The following GPR158 variants were observed in gnomAD, a reference collection of about 807,000 sequenced individuals.
GPR158 encodes metabotropic glycine receptor.
Under a neutral mutation model 78.2 loss-of-function variants are expected in GPR158, and 30 were observed. The observed-to-expected ratio is 0.38, with a 90% CI of 0.29 to 0.52. The LOEUF is 0.52. Ranked by LOEUF, GPR158 falls within the 20% of genes least tolerant of loss-of-function variation. The pLI is 0.83. For missense variants in GPR158, 1,463 were observed against 1,523.5 expected, an observed-to-expected ratio of 0.96 and a Z score of 0.66; for synonymous variants, 581 against 591.1, an observed-to-expected ratio of 0.98 and a Z score of 0.25.
In GPR158 at chr10:25,344,006, C is replaced by T. The variant is rs539498316; in HGVS notation, c.1009-51905C>T. Among the ~76,000 whole-genome samples, 207 of 152,072 alleles carry T rather than the reference C, an allele frequency of 1.4e-3. 1 individual carries two copies. The highest frequency in any genetic ancestry group is 2.3e-3 in the Non-Finnish European group (155 of 67,916). ...TCAGATCTCCTACACTAACTGGAAG[C>T]CACTGGGTCACCTTTGCTTTCATTA... On this transcript the variant is annotated intron_variant, in intron 2 of 10. Coordinates refer to ENST00000376351, the MANE Select transcript of GPR158 (RefSeq NM_020752.3).
In GPR158 at chr10:25,264,972, G is replaced by A. The variant is rs563108360; in HGVS notation, c.1008+43815G>A. 2.0e-5 allele frequency among the ~76,000 whole-genome samples: 3 copies of A among 152,130 alleles called. No homozygotes were observed. The South Asian group carries it at 6.2e-4, about 32-fold the overall frequency. ...ACAGTTAACACATTTCCTTGCTTTG[G>A]GCTATGTATATATCACCCTCTCATT... On this transcript the variant is annotated intron_variant, in intron 2 of 10. Transcript: ENST00000376351.
intron 2 of GPR158, among the ~76,000 whole-genome samples, chr10:25,274,602 T>C (rs1854159018): frequency 6.6e-6 from 1 of 152,120 alleles, no homozygotes; most frequent in Non-Finnish European, 1.5e-5. Context: ...AGGTATATTC[T>C]TTTGAGGTCA....
chr10:25,213,867 T>C (rs1456897617), intron 1 of GPR158, among the ~76,000 whole-genome samples: 2 of 152,214 alleles, frequency 1.3e-5, no homozygotes, highest in African/African-American at 4.8e-5. Flanking sequence ...TTTCAAAGTT[T>C]GTTAGAGAGC....
intron 7 of GPR158, among the ~76,000 whole-genome samples, chr10:25,585,318 T>A (rs1340546656): frequency 6.6e-6 from 1 of 152,220 alleles, no homozygotes; most frequent in African/African-American, 2.4e-5. Context: ...CTTATCTACA[T>A]TGTCCCAGTA....
At chr10:25,307,556 T>A (rs563126332) in intron 2 of GPR158, among the ~76,000 whole-genome samples, 288 of 151,964 alleles carry the variant, frequency 1.9e-3, no homozygotes, top group Non-Finnish European at 2.2e-3. Flanking sequence ...GCTAATTTTT[T>A]AATTTTTTTT....
intron 2 of GPR158, among the ~76,000 whole-genome samples, chr10:25,222,448 C>T (rs2130684641): frequency 6.6e-6 from 1 of 152,038 alleles, no homozygotes; most frequent in African/African-American, 2.4e-5. Flanking sequence ...CACATCCACA[C>T]ACTTCCTCCC....
At chr10:25,312,485 A>G (rs1169827481) in intron 2 of GPR158, among the ~76,000 whole-genome samples, 2 of 152,072 alleles carry the variant, frequency 1.3e-5, no homozygotes, top group Admixed American at 6.6e-5. Context: ...CGTGAAGTAG[A>G]GTTCATTTTG....
chr10:25,181,546 A>T (rs1224635809), intron 1 of GPR158, among the ~76,000 whole-genome samples: 1 of 152,212 alleles, frequency 6.6e-6, no homozygotes, highest in South Asian at 2.1e-4. Flanking sequence ...TAGAGACAGA[A>T]GAAGTTGATA....
chr10:25,323,079 TTGTGA>T (rs941303226), intron 2 of GPR158, among the ~76,000 whole-genome samples: 4 of 152,106 alleles, frequency 2.6e-5, no homozygotes, highest in African/African-American at 4.8e-5. Flanking sequence ...TCTCCTGACC[TTGTGA>T]TCTGCCTGCC....
At position 25,422,628 on chromosome 10, in the gene GPR158, C is replaced by CAAAAA. The variant is rs10634150; in HGVS notation, c.1335+10164_1335+10168dup. ...TATTGTTCTCTTTTCATTGTATTTG[C>CAAAAA]AAAAAAAAAAAAATGTGACATATAC... On this transcript the variant is annotated intron_variant, in intron 4 of 10. Transcript: ENST00000376351. Among the ~76,000 whole-genome samples the CAAAAA allele has an allele frequency of 5.3e-3, 756 of 143,184 alleles. 9 individuals are homozygous for CAAAAA. The highest frequency in any genetic ancestry group is 0.036 in the Middle Eastern group (10 of 276). The allele number at this position is 143,184 out of a possible 152,430, so 93.9% of individuals were successfully genotyped here.
rs1836031765 is a variant in GPR158 at position 25,507,727 on chromosome 10, CAG to C, written c.1404+41011_1404+41012del. On this transcript the variant is annotated intron_variant, in intron 5 of 10. Coordinates refer to ENST00000376351, the MANE Select transcript of GPR158 (RefSeq NM_020752.3). The stretch of plus-strand genomic sequence containing the variant: ...GTATGTTATTTTAAAATAAAATTAT[CAG>C]AGTCATCAGTTAATTTCTCTTTATG... 2.0e-5 allele frequency among the ~76,000 whole-genome samples: 3 copies of C among 152,282 alleles called. 1 individual carries two copies. The South Asian group carries it at 6.2e-4, about 32-fold the overall frequency.
At chr10:25,292,514 ACT>A (rs113931137) in intron 2 of GPR158, among the ~76,000 whole-genome samples, 20,932 of 151,878 alleles carry the variant, frequency 0.14, 1,930 homozygotes, top group South Asian at 0.25. Context: ...ACCTTCCAGC[ACT>A]CTCTTTTTAT....
intron 4 of GPR158, among the ~76,000 whole-genome samples, chr10:25,417,263 A>G (rs370464240): frequency 1.3e-5 from 2 of 152,330 alleles, no homozygotes; most frequent in East Asian, 3.9e-4. Flanking sequence ...GAATACTTAA[A>G]TACAGCACAG....
intron 2 of GPR158, among the ~76,000 whole-genome samples, chr10:25,371,922 C>G (rs1051389787): frequency 1.4e-5 from 2 of 142,722 alleles, no homozygotes; most frequent in African/African-American, 5.3e-5. Context: ...AACAGGCAAC[C>G]TACTAAATGG....
chr10:25,512,187 TTTGTG>T (rs1460650746), intron 5 of GPR158, among the ~76,000 whole-genome samples: 1 of 152,160 alleles, frequency 6.6e-6, no homozygotes, highest in Non-Finnish European at 1.5e-5. Context: ...TTTCCATTTG[TTTGTG>T]TTGAGTATAA....
intron 2 of GPR158, among the ~76,000 whole-genome samples, chr10:25,376,017 T>G (rs540766414): frequency 1.3e-5 from 2 of 151,792 alleles, no homozygotes; most frequent in East Asian, 3.9e-4. Flanking sequence ...TCCATGAACA[T>G]AGTATGTCTC....
rs374731769 is a variant in GPR158, at chr10:25,298,536, AGTTT to A, written c.1008+77383_1008+77386del. ...TGATTCTCTTTAAGGGTGGAATACA[AGTTT>A]GTTCTCTTAAGCAGCTTAAGGCACA... On this transcript the variant is annotated intron_variant, in intron 2 of 10. Coordinates refer to ENST00000376351, the MANE Select transcript of GPR158 (RefSeq NM_020752.3). Among the ~76,000 whole-genome samples, 11 of 152,310 alleles carry A rather than the reference AGTTT, an allele frequency of 7.2e-5. No individual in the cohort carries two copies. In the South Asian group the frequency reaches 2.1e-3, roughly 29 times the overall value.
chr10:25,253,916 G>A (rs966899146), intron 2 of GPR158, among the ~76,000 whole-genome samples: 3 of 152,132 alleles, frequency 2.0e-5, no homozygotes, highest in Non-Finnish European at 4.4e-5. Context: ...TAATAAAATT[G>A]TAGGAACCAT....
At position 25,329,299 on chromosome 10, in the gene GPR158, G is replaced by A. The variant is rs188023540; in HGVS notation, c.1009-66612G>A. ...AAAATACAAAAAAAAAATTAGCCGG[G>A]CGTGGTGGCGGGCACCTGTAGTCCC... On this transcript the variant is annotated intron_variant, in intron 2 of 10. Transcript: ENST00000376351. Among the ~76,000 whole-genome samples, 771 of 152,080 alleles carry A rather than the reference G, an allele frequency of 5.1e-3. 5 individuals are homozygous for A. Among genetic ancestry groups the A allele is most frequent in the African/African-American group, 0.017 (724 of 41,498 alleles).
Sources: gnomAD v4.1 joint callset for allele counts (sites outside exome capture counted in the v4.1 genomes callset) on GRCh38, gnomAD v4.1.1 for gene constraint, MANE v1.5 for transcripts, NCBI Gene and HGNC (gene_info 2026-07-23, HGNC 2026-07-21) for gene names.